The following SPRR2G variants were observed in gnomAD, a reference collection of about 807,000 sequenced individuals.
The protein encoded by SPRR2G is small proline-rich protein 2G.
SPRR2G carries 1 observed loss-of-function variant against 0.7 expected under a neutral mutation model. The observed-to-expected ratio is 1.49, with a 90% CI of 0.53 to 7.06. SPRR2G has a LOEUF of 7.06. Ranked by LOEUF, SPRR2G falls within the 30% of genes most tolerant of loss-of-function variation. SPRR2G has a pLI of 0.14. For synonymous variants in SPRR2G, 38 were observed against 33.9 expected (o/e 1.12, Z -0.42); for missense variants, 96 against 88.5 (o/e 1.09, Z -0.34).
the SPRR2G span, among the ~76,000 whole-genome samples, chr1:153,172,803 A>T: frequency 1.3e-5 from 2 of 152,200 alleles, no homozygotes; most frequent in Non-Finnish European, 2.9e-5. Context: ...AGCTACTGGG[A>T]TTATCCCTAA....
At chr1:153,165,944 T>C in the SPRR2G span, among the ~76,000 whole-genome samples, 1 of 152,230 alleles carries the variant, frequency 6.6e-6, no homozygotes, top group Non-Finnish European at 1.5e-5. Flanking sequence ...GAAGTGTCTT[T>C]CTTGTCCTGT....
the SPRR2G span, among the ~76,000 whole-genome samples, chr1:153,181,345 A>G: frequency 6.6e-6 from 1 of 152,172 alleles, no homozygotes; most frequent in Admixed American, 6.5e-5. Context: ...AGAATGTATA[A>G]TGATCAAGTC....
At chr1:153,201,081 A>G in the SPRR2G span, among the ~76,000 whole-genome samples, 3 of 152,128 alleles carry the variant, frequency 2.0e-5, no homozygotes, top group East Asian at 5.8e-4. Flanking sequence ...GGGCTTTGAC[A>G]TTTATCTCTT....
At chr1:153,155,474 G>A (rs776215242), upstream of SPRR2G, among the ~76,000 whole-genome samples, 23 of 152,136 alleles carry the variant, frequency 1.5e-4, no homozygotes, top group Admixed American at 1.2e-3. Flanking sequence ...CCATGCCCTA[G>A]TTCAGAGCCT....
chr1:153,174,204 A>C, the SPRR2G span, among the ~76,000 whole-genome samples: 4 of 152,188 alleles, frequency 2.6e-5, no homozygotes, highest in Non-Finnish European at 4.4e-5. Context: ...GCTTTAGTAG[A>C]ATTTAAAGAG....
the SPRR2G span, among the ~76,000 whole-genome samples, chr1:153,159,731 A>C: frequency 3.3e-4 from 51 of 152,292 alleles, no homozygotes; most frequent in African/African-American, 1.1e-3. Context: ...GCAGAAGGCA[A>C]AGGGGAAGCA....
chr1:153,152,496 A>G (rs539593450), upstream of SPRR2G, among the ~76,000 whole-genome samples: 10 of 152,190 alleles, frequency 6.6e-5, no homozygotes, highest in African/African-American at 2.4e-4. Context: ...AGGACCTAAC[A>G]TGGGAATTTG....
chr1:153,167,654 A>G, the SPRR2G span, among the ~76,000 whole-genome samples: 1 of 152,292 alleles, frequency 6.6e-6, no homozygotes. Context: ...TAGATGCTGA[A>G]TGTACAATGG....
upstream of SPRR2G, among the ~76,000 whole-genome samples, chr1:153,152,880 G>A (rs1268837398): frequency 6.6e-6 from 1 of 152,084 alleles, no homozygotes; most frequent in African/African-American, 2.4e-5. Context: ...AAATTATTTG[G>A]TTTATCATTT....
At chr1:153,152,707 A>C (rs1280964836), upstream of SPRR2G, among the ~76,000 whole-genome samples, 1 of 152,166 alleles carries the variant, frequency 6.6e-6, no homozygotes, top group Non-Finnish European at 1.5e-5. Flanking sequence ...AGGCACTTTC[A>C]CAGCGTTCTT....
the SPRR2G span, among the ~76,000 whole-genome samples, chr1:153,199,095 C>T: frequency 3.3e-5 from 5 of 152,110 alleles, no homozygotes; most frequent in African/African-American, 1.2e-4. Context: ...AACATTCTTC[C>T]CCCTTTATAT....
At chr1:153,164,882 G>C in the SPRR2G span, among the ~76,000 whole-genome samples, 2 of 152,238 alleles carry the variant, frequency 1.3e-5, no homozygotes, top group African/African-American at 4.8e-5. Context: ...CTCTCCTCAG[G>C]CTAGAGATGG....
At chr1:153,189,102 T>A in the SPRR2G span, among the ~76,000 whole-genome samples, 1 of 152,244 alleles carries the variant, frequency 6.6e-6, no homozygotes, top group Non-Finnish European at 1.5e-5. Flanking sequence ...TATTCAGTCA[T>A]CTTGCCAGCT....
At chr1:153,178,198 T>C in the SPRR2G span, among the ~76,000 whole-genome samples, 1 of 152,200 alleles carries the variant, frequency 6.6e-6, no homozygotes, top group African/African-American at 2.4e-5. Context: ...CTTGATAAAG[T>C]TCCATATTAG....
chr1:153,168,606 A>C, the SPRR2G span, among the ~76,000 whole-genome samples: 1 of 152,186 alleles, frequency 6.6e-6, no homozygotes, highest in African/African-American at 2.4e-5. Context: ...CGAAATTCTT[A>C]AATTTCAAAG....
At chr1:153,150,173 C>A in intron 1 of SPRR2G, 42 bp from the exon 2 acceptor site, 2 of 1,603,032 alleles carry the variant, frequency 1.2e-6, no homozygotes, top group Admixed American at 3.3e-5. Context: ...GAGAGACAGT[C>A]CTGTTGGTGG....
the SPRR2G span, among the ~76,000 whole-genome samples, chr1:153,193,836 G>A: frequency 6.6e-6 from 1 of 152,124 alleles, no homozygotes; most frequent in Non-Finnish European, 1.5e-5. Flanking sequence ...ATCCAGGGCA[G>A]CTATCAAACT....
At chr1:153,166,272 T>C in the SPRR2G span, among the ~76,000 whole-genome samples, 1 of 152,072 alleles carries the variant, frequency 6.6e-6, no homozygotes, top group Non-Finnish European at 1.5e-5. Context: ...CCAAGGAGGG[T>C]TCTGCATTTG....
At chr1:153,167,502 GA>G in the SPRR2G span, among the ~76,000 whole-genome samples, 1 of 139,460 alleles carries the variant, frequency 7.2e-6, no homozygotes, top group Non-Finnish European at 1.6e-5. Flanking sequence ...AAAAGAAAAA[GA>G]AATCTCTAAA....
Sources: allele counts gnomAD v4.1 joint callset (sites outside exome capture counted in the v4.1 genomes callset), GRCh38; gene constraint gnomAD v4.1.1; transcripts MANE v1.5; gene names NCBI Gene and HGNC (gene_info 2026-07-23, HGNC 2026-07-21).